Variants in MBNL1 observed in about 807,000 individuals in gnomAD.
MBNL1 encodes muscleblind like splicing regulator 1.
Under a neutral mutation model 42.2 loss-of-function variants are expected in MBNL1, and 8 were observed. The ratio of observed to expected loss-of-function variants is 0.19; its 90% CI spans 0.11 to 0.34. The LOEUF is 0.34. MBNL1 is among the 10% of genes least tolerant of loss of function. The probability of loss-of-function intolerance (pLI) is 1.00; values close to 1 mark genes in which losing one functional copy is unlikely to be tolerated. For missense variants in MBNL1, 309 were observed against 495.3 expected, an observed-to-expected ratio of 0.62 and a Z score of 3.57; for synonymous variants, 169 against 173.9, an observed-to-expected ratio of 0.97 and a Z score of 0.22.
At chr3:152,372,863 G>A (rs1299264450) in intron 2 of MBNL1, among the ~76,000 whole-genome samples, 1 of 152,192 alleles carries the variant, frequency 6.6e-6, no homozygotes, top group African/African-American at 2.4e-5. Context: ...GAGCTGGCAG[G>A]CAGGAACATT....
chr3:152,330,361 A>G (rs1192270131), intron 2 of MBNL1, among the ~76,000 whole-genome samples: 1 of 152,124 alleles, frequency 6.6e-6, no homozygotes, highest in African/African-American at 2.4e-5. Flanking sequence ...CAGCCTCCCA[A>G]AGTCCTGGGA....
intron 4 of MBNL1, among the ~76,000 whole-genome samples, chr3:152,433,264 TTTG>T (rs376289137): frequency 4.0e-5 from 6 of 151,850 alleles, no homozygotes; most frequent in East Asian, 1.9e-4. Context: ...CTCCTGAATG[TTTG>T]TTGTTGTTGT....
intron 2 of MBNL1, among the ~76,000 whole-genome samples, chr3:152,329,151 G>C (rs2082401963): frequency 6.6e-6 from 1 of 152,060 alleles, no homozygotes; most frequent in South Asian, 2.1e-4. Context: ...AGGGCTAAAA[G>C]ACAGATGTGA....
At chr3:152,343,455 G>A (rs1205795560) in intron 2 of MBNL1, among the ~76,000 whole-genome samples, 1 of 152,114 alleles carries the variant, frequency 6.6e-6, no homozygotes, top group Non-Finnish European at 1.5e-5. Context: ...TTGAGGATGT[G>A]TATCATAATA....
intron 2 of MBNL1, among the ~76,000 whole-genome samples, chr3:152,388,356 A>T (rs916813023): frequency 1.3e-5 from 2 of 152,254 alleles, no homozygotes; most frequent in Admixed American, 6.5e-5. Flanking sequence ...ACATTAAAAT[A>T]TCAGGTTCTT....
chr3:152,247,397 T>C (rs2033326256), intron 2 of MBNL1, among the ~76,000 whole-genome samples: 1 of 151,998 alleles, frequency 6.6e-6, no homozygotes, highest in African/African-American at 2.4e-5. Flanking sequence ...ATATGAGCTA[T>C]GACAGTACAT....
intron 2 of MBNL1, among the ~76,000 whole-genome samples, chr3:152,360,595 T>C (rs2095860344): frequency 6.6e-6 from 1 of 152,118 alleles, no homozygotes; most frequent in Admixed American, 6.5e-5. Context: ...GGGGTTCTTC[T>C]CCTATGCTTC....
chr3:152,253,298 CTT>C (rs1173933029), intron 2 of MBNL1, among the ~76,000 whole-genome samples: 1 of 152,078 alleles, frequency 6.6e-6, no homozygotes, highest in African/African-American at 2.4e-5. Context: ...TTCATTCTCT[CTT>C]TTCCTCACCT....
intron 2 of MBNL1, among the ~76,000 whole-genome samples, chr3:152,245,146 C>T (rs1302020745): frequency 6.6e-6 from 1 of 151,970 alleles, no homozygotes; most frequent in Non-Finnish European, 1.5e-5. Flanking sequence ...AATTGGAAAT[C>T]AAACTAAACT....
At chr3:152,255,479 G>C (rs1034187898) in intron 2 of MBNL1, among the ~76,000 whole-genome samples, 2 of 152,186 alleles carry the variant, frequency 1.3e-5, no homozygotes, top group South Asian at 4.1e-4. Context: ...TATGTGATGA[G>C]AGGATTTTTA....
rs965628953 is a variant in MBNL1 at position 152,299,726 on chromosome 3, C to T, written c.-468C>T. ...CTGCATCTGTCTATGCCAAACTAAT[C>T]AATACCGATTGCACCACCAAACTCC... On this transcript the variant is annotated 5_prime_UTR_variant, in exon 2 of 10. Transcript: ENST00000324210. The T allele has an allele frequency of 2.5e-6, 1 of 399,454 alleles. No homozygotes were observed. The highest frequency in any genetic ancestry group is 4.4e-6 in the Non-Finnish European group (1 of 226,706). The allele number at this position is 399,454 out of a possible 1,614,324, so 24.7% of individuals were successfully genotyped here.
intron 2 of MBNL1, among the ~76,000 whole-genome samples, chr3:152,322,485 A>G (rs2077025049): frequency 6.6e-6 from 1 of 152,106 alleles, no homozygotes; most frequent in Admixed American, 6.6e-5. Flanking sequence ...AGCCTTGTAT[A>G]TAGAACACTA....
At chr3:152,340,681 C>G (rs2092936523) in intron 2 of MBNL1, 3 of 1,613,908 alleles carry the variant, frequency 1.9e-6, no homozygotes, top group African/African-American at 2.7e-5. Context: ...CGCATAATAC[C>G]TAGCAAGATC....
intron 7 of MBNL1, 101 bp from the exon 8 acceptor site, chr3:152,456,155 ATGGCTTATTGC>A: frequency 1.4e-6 from 1 of 732,666 alleles, no homozygotes; most frequent in Non-Finnish European, 2.5e-6. Context: ...GTCCTGTCAC[ATGGCTTATTGC>A]TGTGATAAAT....
intron 2 of MBNL1, among the ~76,000 whole-genome samples, chr3:152,253,461 C>T (rs1221685174): frequency 6.6e-6 from 1 of 152,090 alleles, no homozygotes; most frequent in Non-Finnish European, 1.5e-5. Flanking sequence ...TATTAAGAAA[C>T]CCTCTTTTTC....
intron 2 of MBNL1, among the ~76,000 whole-genome samples, chr3:152,388,031 C>G (rs956436451): frequency 3.9e-5 from 6 of 152,132 alleles, no homozygotes; most frequent in Non-Finnish European, 8.8e-5. Context: ...TTCTCAGAAC[C>G]ACAGGCCTTT....
intron 2 of MBNL1, among the ~76,000 whole-genome samples, chr3:152,376,607 A>G (rs1560354088): frequency 3.3e-5 from 5 of 152,240 alleles, no homozygotes; most frequent in African/African-American, 1.2e-4. Flanking sequence ...TATATTAAAT[A>G]TAGCTAAGAG....
At chr3:152,427,962 C>T (rs938917318) in intron 3 of MBNL1, among the ~76,000 whole-genome samples, 1 of 151,354 alleles carries the variant, frequency 6.6e-6, no homozygotes, top group African/African-American at 2.4e-5. Flanking sequence ...ACAGTGTTCA[C>T]ATGGTGTTTT....
intron 2 of MBNL1, among the ~76,000 whole-genome samples, chr3:152,344,851 GCT>G (rs1470514771): frequency 2.6e-5 from 4 of 151,958 alleles, no homozygotes; most frequent in African/African-American, 9.7e-5. Context: ...TTTTCTTCCT[GCT>G]CTCTCTGTAT....
Sources: allele counts gnomAD v4.1 joint callset (sites outside exome capture counted in the v4.1 genomes callset), GRCh38; gene constraint gnomAD v4.1.1; transcripts MANE v1.5; gene names NCBI Gene and HGNC (gene_info 2026-07-23, HGNC 2026-07-21).